Variants in WDFY3 observed in about 807,000 individuals in gnomAD.
WDFY3 encodes WD repeat and FYVE domain containing 3, also known as WD repeat and FYVE domain-containing protein 3.
In WDFY3, 66 loss-of-function variants were observed where a neutral mutation model predicts 409.6. The observed-to-expected ratio is 0.16, with a 90% CI of 0.13 to 0.20. The LOEUF (loss-of-function observed/expected upper bound fraction) is 0.20. WDFY3 is among the 10% of genes least tolerant of loss of function. The probability of loss-of-function intolerance (pLI) is 1.00; values close to 1 mark genes in which losing one functional copy is unlikely to be tolerated. For synonymous variants in WDFY3, 1,521 were observed against 1,537.1 expected, an observed-to-expected ratio of 0.99 and a Z score of 0.25; for missense variants, 3,031 against 4,298.1, an observed-to-expected ratio of 0.71 and a Z score of 8.24.
intron 24 of WDFY3, among the ~76,000 whole-genome samples, chr4:84,785,560 T>C (rs1747405439): frequency 6.6e-6 from 1 of 152,208 alleles, no homozygotes; most frequent in African/African-American, 2.4e-5. Flanking sequence ...GGTATTATCA[T>C]CTGTCTTTTC....
intron 6 of WDFY3, 48 bp from the exon 7 acceptor site, chr4:84,837,138 T>G (rs767859242): frequency 5.1e-6 from 7 of 1,381,174 alleles, no homozygotes; most frequent in African/African-American, 1.5e-5. Flanking sequence ...ACAACTATAA[T>G]TGGTACAGCC....
intron 55 of WDFY3, 137 bp downstream of exon 55, chr4:84,704,201 C>T: frequency 3.4e-6 from 2 of 581,026 alleles, no homozygotes; most frequent in Non-Finnish European, 5.5e-6. Flanking sequence ...CAAAATTCTA[C>T]TTTAGTTATG....
chr4:84,766,834 A>T (rs1208890520), intron 30 of WDFY3, among the ~76,000 whole-genome samples: 3 of 152,256 alleles, frequency 2.0e-5, no homozygotes, highest in African/African-American at 7.2e-5. Flanking sequence ...TTAGAATTAA[A>T]TAGCACAGAA....
intron 3 of WDFY3, among the ~76,000 whole-genome samples, chr4:84,892,777 A>G (rs1765122797): frequency 6.6e-6 from 1 of 152,248 alleles, no homozygotes; most frequent in South Asian, 2.1e-4. Context: ...TTCTCATGAG[A>G]CAGAGAATAA....
At chr4:84,775,009 T>C (rs1374474996) in intron 28 of WDFY3, 28 bp from the exon 29 acceptor site, 1 of 1,613,584 alleles carries the variant, frequency 6.2e-7, no homozygotes, top group Non-Finnish European at 8.5e-7. Context: ...TTTTATACAC[T>C]GTACTATCAC....
At chr4:84,841,997 A>AATAC (rs1757423137) in intron 5 of WDFY3, among the ~76,000 whole-genome samples, 1 of 152,190 alleles carries the variant, frequency 6.6e-6, no homozygotes, top group Admixed American at 6.5e-5. Context: ...AGAAACGTGA[A>AATAC]ATACATAAGA....
At chr4:84,953,125 C>T (rs1773813320) in intron 1 of WDFY3, among the ~76,000 whole-genome samples, 1 of 151,360 alleles carries the variant, frequency 6.6e-6, no homozygotes, top group South Asian at 2.1e-4. Context: ...GGGATCTTGT[C>T]ATTTGCCACA....
At chr4:84,945,304 C>G (rs1465751458) in intron 1 of WDFY3, among the ~76,000 whole-genome samples, 1 of 152,202 alleles carries the variant, frequency 6.6e-6, no homozygotes, top group African/African-American at 2.4e-5. Flanking sequence ...CCTGAGTCCC[C>G]CAAAGAGAGA....
chr4:84,926,315 A>G (rs185472204), intron 2 of WDFY3, among the ~76,000 whole-genome samples: 2 of 151,922 alleles, frequency 1.3e-5, no homozygotes, highest in East Asian at 3.9e-4. Context: ...AACAGAAGAT[A>G]AAGTGGTGAT....
intron 4 of WDFY3, among the ~76,000 whole-genome samples, chr4:84,855,669 C>CA (rs1247898059): frequency 3.4e-4 from 51 of 152,194 alleles, no homozygotes; most frequent in African/African-American, 1.2e-3. Context: ...AAAATTAAGT[C>CA]AGACTATGGA....
intron 64 of WDFY3, among the ~76,000 whole-genome samples, chr4:84,682,055 A>G (rs1451007666): frequency 6.6e-6 from 1 of 152,228 alleles, no homozygotes; most frequent in Non-Finnish European, 1.5e-5. Flanking sequence ...TCTGACTTAT[A>G]CAACAGCACG....
intron 24 of WDFY3, among the ~76,000 whole-genome samples, chr4:84,784,249 C>T (rs1747077162): frequency 6.6e-6 from 1 of 152,158 alleles, no homozygotes; most frequent in Non-Finnish European, 1.5e-5. Flanking sequence ...TACATCTATG[C>T]TTTGGTGAAT....
intron 5 of WDFY3, among the ~76,000 whole-genome samples, chr4:84,843,001 G>A (rs1315012009): frequency 6.6e-6 from 1 of 152,146 alleles, no homozygotes; most frequent in Non-Finnish European, 1.5e-5. Context: ...ATTTTAGCAC[G>A]AAAATTTTAA....
intron 3 of WDFY3, among the ~76,000 whole-genome samples, chr4:84,866,007 G>C (rs1051632382): frequency 1.3e-5 from 2 of 152,048 alleles, no homozygotes; most frequent in Non-Finnish European, 2.9e-5. Flanking sequence ...GGACATAAAG[G>C]CTGCAGTGAG....
intron 3 of WDFY3, among the ~76,000 whole-genome samples, chr4:84,878,322 C>T (rs1763053301): frequency 6.6e-6 from 1 of 152,004 alleles, no homozygotes; most frequent in South Asian, 2.1e-4. Flanking sequence ...GAAATCATGA[C>T]TGAATGAGGC....
chr4:84,857,961 G>C (rs1278571106), intron 4 of WDFY3, among the ~76,000 whole-genome samples: 1 of 151,986 alleles, frequency 6.6e-6, no homozygotes, highest in Non-Finnish European at 1.5e-5. Flanking sequence ...TTTCACACAG[G>C]CCAGTACTGA....
chr4:84,749,294 G>A (rs945800686), intron 36 of WDFY3, among the ~76,000 whole-genome samples: 3 of 152,052 alleles, frequency 2.0e-5, no homozygotes, highest in Non-Finnish European at 1.5e-5. Context: ...GACATAGAAT[G>A]TTAATATTTC....
chr4:84,695,509 T>TAGATAG (rs1421243470), intron 58 of WDFY3, among the ~76,000 whole-genome samples: 6 of 107,288 alleles, frequency 5.6e-5, no homozygotes, highest in Non-Finnish European at 1.1e-4. Flanking sequence ...CAGAGAGAGA[T>TAGATAG]AGAGAGAGAG....
chr4:84,751,039 T>C (rs1740424696), intron 36 of WDFY3, among the ~76,000 whole-genome samples: 1 of 152,202 alleles, frequency 6.6e-6, no homozygotes, highest in Admixed American at 6.5e-5. Flanking sequence ...AGGGAAGGGG[T>C]TGGCACACTA....
Sources: allele counts gnomAD v4.1 joint callset (sites outside exome capture counted in the v4.1 genomes callset), GRCh38; gene constraint gnomAD v4.1.1; transcripts MANE v1.5; gene names NCBI Gene and HGNC (gene_info 2026-07-23, HGNC 2026-07-21).